The following KDM4C variants were observed in gnomAD, a reference collection of about 807,000 sequenced individuals.
KDM4C encodes the protein lysine-specific demethylase 4C.
In KDM4C, 81 loss-of-function variants were observed where a neutral mutation model predicts 129.3. The observed-to-expected ratio is 0.63, with a 90% CI of 0.52 to 0.75. KDM4C has a LOEUF of 0.75. Ranked by LOEUF, KDM4C falls within the 30% of genes least tolerant of loss-of-function variation. The pLI, the probability that KDM4C is intolerant of heterozygous loss-of-function variation, is 0.00. For synonymous variants in KDM4C, 573 were observed against 456.1 expected (o/e 1.26, Z -3.26); for missense variants, 1,457 against 1,304.0 (o/e 1.12, Z -1.81).
At chr9:6,779,942 G>T (rs769551537) in intron 1 of KDM4C, among the ~76,000 whole-genome samples, 18 of 152,134 alleles carry the variant, frequency 1.2e-4, no homozygotes, top group Non-Finnish European at 2.5e-4. Context: ...AATTCATTTT[G>T]TAGCACTGAA....
At chr9:6,910,438 C>G (rs561914534) in intron 8 of KDM4C, among the ~76,000 whole-genome samples, 24 of 152,060 alleles carry the variant, frequency 1.6e-4, no homozygotes, top group Non-Finnish European at 3.1e-4. Flanking sequence ...AATTGTGGGT[C>G]CCTCCACACC....
chr9:7,011,028 G>C (rs1822586579), intron 12 of KDM4C, among the ~76,000 whole-genome samples: 1 of 152,048 alleles, frequency 6.6e-6, no homozygotes, highest in African/African-American at 2.4e-5. Flanking sequence ...TGGGCACGAA[G>C]AGCAAAACTC....
intron 4 of KDM4C, among the ~76,000 whole-genome samples, chr9:6,824,631 T>C (rs1299615237): frequency 8.0e-6 from 1 of 125,130 alleles, no homozygotes; most frequent in East Asian, 2.4e-4. Flanking sequence ...CACGCAAGAC[T>C]CCGTCTCAAA....
At chr9:6,879,674 G>C (rs541338143) in intron 5 of KDM4C, among the ~76,000 whole-genome samples, 29 of 152,244 alleles carry the variant, frequency 1.9e-4, no homozygotes, top group Middle Eastern at 6.8e-3. Flanking sequence ...TAGAGTGCTG[G>C]GGTGCTATGA....
intron 1 of KDM4C, among the ~76,000 whole-genome samples, chr9:6,728,309 G>A (rs1442941446): frequency 1.3e-5 from 2 of 152,114 alleles, no homozygotes; most frequent in African/African-American, 4.8e-5. Flanking sequence ...GCCAAGGCGG[G>A]TGGATCACAA....
chr9:6,915,249 G>A (rs372839393), intron 8 of KDM4C, among the ~76,000 whole-genome samples: 22 of 152,260 alleles, frequency 1.4e-4, no homozygotes, highest in South Asian at 1.2e-3. Context: ...CTACTGTTTA[G>A]GTTTTACAAA....
At chr9:7,042,719 C>T (rs537846703) in intron 15 of KDM4C, among the ~76,000 whole-genome samples, 1 of 152,158 alleles carries the variant, frequency 6.6e-6, no homozygotes, top group South Asian at 2.1e-4. Flanking sequence ...TATTTTTGCA[C>T]TCTACTTTGA....
chr9:6,901,523 A>G (rs926015064), intron 8 of KDM4C, among the ~76,000 whole-genome samples: 1 of 152,156 alleles, frequency 6.6e-6, no homozygotes, highest in African/African-American at 2.4e-5. Context: ...CTTGCTGCCA[A>G]GGGCAGGAAG....
At chr9:6,749,986 CAAAA>C (rs57999664) in intron 1 of KDM4C, among the ~76,000 whole-genome samples, 3 of 55,600 alleles carry the variant, frequency 5.4e-5, no homozygotes, top group African/African-American at 5.4e-5. Flanking sequence ...AACTCCTTCT[CAAAA>C]AAAAAAAAAA....
At chr9:6,849,023 G>A (rs1230024103) in intron 4 of KDM4C, among the ~76,000 whole-genome samples, 4 of 152,200 alleles carry the variant, frequency 2.6e-5, no homozygotes, top group Admixed American at 1.3e-4. Context: ...ATGGGAGAGA[G>A]ATAGCAGAAG....
rs60244122 is a variant in KDM4C at position 6,988,158 on chromosome 9, T to TA, written c.1677+1518dup. Reference sequence around the variant, plus strand: ...TGACAGAGTGAGAGACCCTGTCTCTTAAAAAAAAAAAAAAAAAAAAAAAAA... The same window carrying TA: ...TGACAGAGTGAGAGACCCTGTCTCTTAAAAAAAAAAAAAAAAAAAAAAAAAA... On this transcript the variant is annotated intron_variant, in intron 11 of 21. Coordinates refer to ENST00000381309, the MANE Select transcript of KDM4C (RefSeq NM_015061.6). Among the ~76,000 whole-genome samples, 14 of 85,318 alleles carry TA rather than the reference T, an allele frequency of 1.6e-4. 1 individual carries two copies. Among genetic ancestry groups the TA allele is most frequent in the African/African-American group, 5.5e-4 (12 of 21,792 alleles). The allele number at this position is 85,318 out of a possible 152,430, so 56.0% of individuals were successfully genotyped here.
At chr9:6,973,969 G>A (rs1035438037) in intron 8 of KDM4C, 3 of 152,160 alleles carry the variant, frequency 2.0e-5, no homozygotes, top group Non-Finnish European at 4.4e-5. Context: ...TCTGTATTCA[G>A]ACCCTTCAAT....
chr9:7,049,298 C>T (rs368451387), intron 17 of KDM4C, 98 bp downstream of exon 17: 3 of 543,832 alleles, frequency 5.5e-6, no homozygotes, highest in East Asian at 3.3e-5. Context: ...ATATTTTCTC[C>T]TAGCTTTCTT....
intron 9 of KDM4C, 105 bp downstream of exon 9, chr9:6,981,223 T>C: frequency 1.2e-6 from 1 of 815,512 alleles, no homozygotes; most frequent in Non-Finnish European, 1.9e-6. Context: ...TTATTCATCA[T>C]AACTTAATAC....
At chr9:6,970,321 C>T (rs1831741240) in intron 8 of KDM4C, among the ~76,000 whole-genome samples, 2 of 152,158 alleles carry the variant, frequency 1.3e-5, no homozygotes, top group African/African-American at 4.8e-5. Context: ...TACTTCTGCC[C>T]TCCCTCTTGT....
At chr9:6,753,868 CTTTTTT>C (rs869158656), upstream of KDM4C, among the ~76,000 whole-genome samples, 7 of 80,368 alleles carry the variant, frequency 8.7e-5, no homozygotes, top group Non-Finnish European at 1.4e-4. Flanking sequence ...TCATTGAATT[CTTTTTT>C]TTTTTTTTTT....
intron 5 of KDM4C, among the ~76,000 whole-genome samples, chr9:6,858,563 C>T (rs926854302): frequency 6.6e-6 from 1 of 152,078 alleles, no homozygotes; most frequent in African/African-American, 2.4e-5. Flanking sequence ...CATTTGAGAC[C>T]AGGAGTTCAA....
At chr9:7,124,093 TA>T (rs1839785408) in intron 18 of KDM4C, among the ~76,000 whole-genome samples, 2 of 152,270 alleles carry the variant, frequency 1.3e-5, no homozygotes, top group Middle Eastern at 3.4e-3. Flanking sequence ...CCCTTTGATT[TA>T]GGTGTAATTT....
At chr9:6,774,491 C>G (rs1468100061) in intron 1 of KDM4C, among the ~76,000 whole-genome samples, 1 of 151,902 alleles carries the variant, frequency 6.6e-6, no homozygotes, top group African/African-American at 2.4e-5. Context: ...ATGGCGAGAC[C>G]CTGTCTCTAC....
Sources: gnomAD v4.1 joint callset for allele counts (sites outside exome capture counted in the v4.1 genomes callset) on GRCh38, gnomAD v4.1.1 for gene constraint, MANE v1.5 for transcripts, NCBI Gene and HGNC (gene_info 2026-07-23, HGNC 2026-07-21) for gene names.